Variants in PRKN observed in about 807,000 individuals in gnomAD.
PRKN encodes the protein parkin RBR E3 ubiquitin protein ligase.
In PRKN, 56 loss-of-function variants were observed where a neutral mutation model predicts 59.5. The observed-to-expected ratio is 0.94, with a 90% CI of 0.76 to 1.18. The LOEUF (loss-of-function observed/expected upper bound fraction) is 1.18. PRKN is among the 50% of genes most tolerant of loss of function. The pLI is 0.00. For synonymous variants in PRKN, 250 were observed against 222.1 expected (o/e 1.13, Z -1.12); for missense variants, 657 against 596.4 (o/e 1.10, Z -1.06).
intron 9 of PRKN, among the ~76,000 whole-genome samples, chr6:161,517,982 A>C (rs1405030546): frequency 2.0e-5 from 3 of 152,224 alleles, no homozygotes; most frequent in African/African-American, 7.2e-5. Flanking sequence ...TAAAGCACAC[A>C]TGAAATCAAG....
chr6:161,398,607 G>A (rs142060234), intron 9 of PRKN, among the ~76,000 whole-genome samples: 53 of 152,280 alleles, frequency 3.5e-4, no homozygotes, highest in Admixed American at 1.7e-3. Flanking sequence ...GATGCAGAAC[G>A]TATGTAATTT....
rs1208550644 is a variant in PRKN, at chr6:161,874,228, TATATA to T, written c.735-88325_735-88321del. On this transcript the variant is annotated intron_variant, in intron 6 of 11. Coordinates refer to ENST00000366898, the MANE Select transcript of PRKN (RefSeq NM_004562.3). ...TATATGTAAAATATAATATATATTA[TATATA>T]ATATATAATATATAATATATATTAT... 5.0e-3 allele frequency among the ~76,000 whole-genome samples: 146 copies of T among 29,130 alleles called. 32 individuals carry two copies. The highest frequency in any genetic ancestry group is 0.014 in the African/African-American group (116 of 8,256). The allele number at this position is 29,130 out of a possible 152,430, so 19.1% of individuals were successfully genotyped here.
intron 3 of PRKN, among the ~76,000 whole-genome samples, chr6:162,258,613 C>T (rs1779755219): frequency 6.6e-6 from 1 of 152,146 alleles, no homozygotes; most frequent in African/African-American, 2.4e-5. Flanking sequence ...AAAGCACAGC[C>T]CCTGGGCCCG....
intron 6 of PRKN, among the ~76,000 whole-genome samples, chr6:161,815,712 G>GTCCT (rs1791746984): frequency 6.6e-6 from 1 of 152,182 alleles, no homozygotes; most frequent in Admixed American, 6.5e-5. Context: ...CCTGGTTCAG[G>GTCCT]GAGGGAGACC....
At chr6:162,380,659 T>G (rs779645454) in intron 2 of PRKN, among the ~76,000 whole-genome samples, 15 of 151,554 alleles carry the variant, frequency 9.9e-5, no homozygotes, top group Non-Finnish European at 2.2e-4. Context: ...CTCATTCAGA[T>G]TCTATCATTT....
chr6:162,150,092 C>A (rs533159132), intron 4 of PRKN, among the ~76,000 whole-genome samples: 19 of 152,266 alleles, frequency 1.2e-4, no homozygotes, highest in African/African-American at 4.6e-4. Flanking sequence ...TTAATGACCT[C>A]ATTTCGTAGT....
chr6:161,684,223 A>T (rs910349545), intron 7 of PRKN, among the ~76,000 whole-genome samples: 2 of 152,058 alleles, frequency 1.3e-5, no homozygotes, highest in African/African-American at 4.8e-5. Context: ...TTTAAAAAAA[A>T]TTTTCATTTT....
intron 7 of PRKN, among the ~76,000 whole-genome samples, chr6:161,587,734 T>G (rs1181078738): frequency 2.0e-5 from 3 of 152,204 alleles, no homozygotes; most frequent in Non-Finnish European, 4.4e-5. Context: ...GGGATTTTGG[T>G]GCACCCATCA....
intron 1 of PRKN, among the ~76,000 whole-genome samples, chr6:162,515,465 T>C (rs1241031974): frequency 6.6e-6 from 1 of 152,166 alleles, no homozygotes; most frequent in Non-Finnish European, 1.5e-5. Flanking sequence ...CATATAGTCA[T>C]GTTAATATGC....
chr6:162,254,318 A>T (rs556723710), intron 3 of PRKN, among the ~76,000 whole-genome samples: 1 of 151,948 alleles, frequency 6.6e-6, no homozygotes, highest in African/African-American at 2.4e-5. Context: ...TTAGCTGGGC[A>T]TGGTGGTGGG....
chr6:161,773,302 T>A (rs775427121), intron 7 of PRKN, among the ~76,000 whole-genome samples: 3 of 152,222 alleles, frequency 2.0e-5, no homozygotes, highest in Non-Finnish European at 4.4e-5. Flanking sequence ...AATTAGTATT[T>A]TATTGACTAC....
At chr6:161,537,116 C>T (rs1382995759) in intron 9 of PRKN, among the ~76,000 whole-genome samples, 2 of 152,180 alleles carry the variant, frequency 1.3e-5, no homozygotes, top group African/African-American at 2.4e-5. Flanking sequence ...TTTTGAGAAG[C>T]CTACTTTGAT....
Position 161,440,819 on chromosome 6 carries a change from C to T in PRKN, c.1084-53942G>A, listed in dbSNP as rs576746037. Among the ~76,000 whole-genome samples, 8 of 152,146 alleles carry T rather than the reference C, an allele frequency of 5.3e-5. No homozygotes were observed. The South Asian group carries it at 1.7e-3, about 32-fold the overall frequency. ...AATGGCCCTGGGTTTTCTGAGGGTTCTTTATTTGTCTTCGAGAATATTAAA... is the reference window on the plus strand; with the variant it reads ...AATGGCCCTGGGTTTTCTGAGGGTTTTTTATTTGTCTTCGAGAATATTAAA... On this transcript the variant is annotated intron_variant, in intron 9 of 11. Coordinates refer to ENST00000366898, the MANE Select transcript of PRKN (RefSeq NM_004562.3). The surrounding 1 kb of genome is among the most constrained non-coding windows in gnomAD (Gnocchi z 4.1).
intron 7 of PRKN, among the ~76,000 whole-genome samples, chr6:161,759,737 T>C (rs1301845443): frequency 6.6e-6 from 1 of 152,198 alleles, no homozygotes; most frequent in African/African-American, 2.4e-5. Context: ...TTCCACAACC[T>C]TATTTCTGTC....
chr6:162,618,909 T>C (rs1782540914), intron 1 of PRKN, among the ~76,000 whole-genome samples: 1 of 152,144 alleles, frequency 6.6e-6, no homozygotes, highest in Non-Finnish European at 1.5e-5. Flanking sequence ...GGCATCAGAG[T>C]AAGGAACAGC....
Position 161,417,720 on chromosome 6 carries a change from T to C in PRKN, c.1084-30843A>G, listed in dbSNP as rs759036221. Among the ~76,000 whole-genome samples the C allele has an allele frequency of 2.1e-4, 32 of 152,190 alleles. No homozygotes were observed. The highest frequency in any genetic ancestry group is 3.4e-4 in the Non-Finnish European group (23 of 68,046). ...TTCACAACACATTGGAAATTTAGGC[T>C]GCCAATTAGTCATCCCTCCGGCCCC... On this transcript the variant is annotated intron_variant, in intron 9 of 11. Transcript: ENST00000366898. This position sits in a 1 kb window ranked among gnomAD's most constrained non-coding sequence, Gnocchi z 5.4.
chr6:162,570,790 G>C (rs1356351452), intron 1 of PRKN, among the ~76,000 whole-genome samples: 4 of 152,066 alleles, frequency 2.6e-5, no homozygotes, highest in African/African-American at 9.7e-5. Flanking sequence ...ATAGAGAGTA[G>C]GAGAATAGTT....
At chr6:162,220,664 T>G (rs547905676) in intron 3 of PRKN, among the ~76,000 whole-genome samples, 1 of 151,576 alleles carries the variant, frequency 6.6e-6, no homozygotes, top group African/African-American at 2.4e-5. Context: ...GAAAAAAAAG[T>G]CAAGATGCAA....
chr6:162,397,965 A>G (rs755089352), intron 2 of PRKN, among the ~76,000 whole-genome samples: 2 of 150,200 alleles, frequency 1.3e-5, no homozygotes, highest in Non-Finnish European at 2.9e-5. Flanking sequence ...TGAGCCTAGT[A>G]CCTGGACGTT....
Sources: allele counts gnomAD v4.1 joint callset (sites outside exome capture counted in the v4.1 genomes callset), GRCh38; gene constraint gnomAD v4.1.1; non-coding constraint Gnocchi (gnomAD v3.1); transcripts MANE v1.5; gene names NCBI Gene and HGNC (gene_info 2026-07-23, HGNC 2026-07-21).